The following RFPL1 variants were observed in gnomAD, a reference collection of about 807,000 sequenced individuals.
RFPL1 encodes ret finger protein like 1, also known as ret finger protein-like 1.
In RFPL1, 6 loss-of-function variants were observed where a neutral mutation model predicts 9.6. The observed-to-expected ratio is 0.62, with a 90% CI of 0.34 to 1.23. The LOEUF (loss-of-function observed/expected upper bound fraction) is 1.23. Among genes scored for constraint, RFPL1 ranks in the 50% most tolerant of loss-of-function variants. The pLI, the probability that RFPL1 is intolerant of heterozygous loss-of-function variation, is 0.03. For missense variants in RFPL1, 352 were observed against 398.4 expected (o/e 0.88, Z 0.99); for synonymous variants, 145 against 149.4 (o/e 0.97, Z 0.22).
At chr22:29,426,774 G>A in the RFPL1 span, among the ~76,000 whole-genome samples, 25,524 of 152,106 alleles carry the variant, frequency 0.17, 2,287 homozygotes, top group African/African-American at 0.2. Context: ...TTGATTGTGG[G>A]TGGGTCAACA....
At chr22:29,433,820 A>G (rs1034116052), upstream of RFPL1, among the ~76,000 whole-genome samples, 2 of 152,244 alleles carry the variant, frequency 1.3e-5, no homozygotes, top group Middle Eastern at 3.4e-3. Flanking sequence ...ACATGGGTGT[A>G]CCCCATGTGG....
At chr22:29,428,692 A>C in the RFPL1 span, among the ~76,000 whole-genome samples, 2 of 152,224 alleles carry the variant, frequency 1.3e-5, no homozygotes, top group African/African-American at 4.8e-5. Context: ...TAACAAACAG[A>C]GTTTTGGAGC....
chr22:29,438,803 G>T lies in RFPL1; in HGVS notation c.12G>T (p.Leu4Phe). ...CAATACCTTTATGCATGAAAAGGTT[G>T]TCACTTGTCACAACTAACAGGCTTT... The change falls in exon 1 of 2, where the codon TTG (leucine) becomes TTT (phenylalanine). Residue 4 changes from leucine to phenylalanine, a missense_variant. Physicochemically the swap from Leu to Phe is conservative, Grantham distance 22 (BLOSUM62 0). Coordinates refer to ENST00000354373, the Ensembl canonical transcript of RFPL1. 1.2e-6 allele frequency: 2 copies of T among 1,613,206 alleles called. No individual in the cohort carries two copies. Among genetic ancestry groups the T allele is most frequent in the African/African-American group, 2.7e-5 (2 of 75,032 alleles).
At chr22:29,438,828 T>C in exon 1 of RFPL1, 2 of 1,613,956 alleles carry the variant, frequency 1.2e-6, no homozygotes, top group Middle Eastern at 1.7e-4. Flanking sequence ...TAACAGGCTT[T>C]CACCTCACGG....
At chr22:29,400,088 T>C in the RFPL1 span, among the ~76,000 whole-genome samples, 1 of 150,622 alleles carries the variant, frequency 6.6e-6, no homozygotes, top group Non-Finnish European at 1.5e-5. Context: ...CTCCGCCTCC[T>C]GGGTTCACGC....
upstream of RFPL1, among the ~76,000 whole-genome samples, chr22:29,436,177 G>A (rs377563482): frequency 0.016 from 2,413 of 152,170 alleles, 53 homozygotes; most frequent in African/African-American, 0.056. Flanking sequence ...TCGGTAATTG[G>A]ATATAAAATT....
chr22:29,405,847 C>G, the RFPL1 span, among the ~76,000 whole-genome samples: 1 of 152,110 alleles, frequency 6.6e-6, no homozygotes, highest in Admixed American at 6.5e-5. Flanking sequence ...CGGTGGCTCA[C>G]GCCTGTAATC....
chr22:29,390,223 C>T, the RFPL1 span, among the ~76,000 whole-genome samples: 1 of 152,086 alleles, frequency 6.6e-6, no homozygotes, highest in African/African-American at 2.4e-5. Context: ...AAAACAATCC[C>T]CTGAGGTTGT....
chr22:29,399,406 G>A, the RFPL1 span, among the ~76,000 whole-genome samples: 1 of 152,210 alleles, frequency 6.6e-6, no homozygotes, highest in South Asian at 2.1e-4. Flanking sequence ...CACTGATTTG[G>A]AACAAAATAG....
intron 1 of RFPL1, chr22:29,440,040 TACTATCACTCTCCATA>T (rs1027492609): frequency 4.3e-4 from 66 of 152,256 alleles, no homozygotes; most frequent in African/African-American, 1.5e-3. Context: ...CTACAGAAAA[TACTATCACTCTCCATA>T]ACTCTGGGGA....
At chr22:29,390,789 G>C in the RFPL1 span, among the ~76,000 whole-genome samples, 1 of 151,060 alleles carries the variant, frequency 6.6e-6, no homozygotes, top group South Asian at 2.1e-4. Flanking sequence ...AGTAGAGACG[G>C]GGTTTCACCG....
chr22:29,436,288 C>T (rs1269013549), upstream of RFPL1, among the ~76,000 whole-genome samples: 5 of 152,018 alleles, frequency 3.3e-5, no homozygotes, highest in Non-Finnish European at 7.4e-5. Flanking sequence ...ATTAGGAAGG[C>T]TCCCATCACA....
At chr22:29,409,133 C>T in the RFPL1 span, among the ~76,000 whole-genome samples, 3 of 151,976 alleles carry the variant, frequency 2.0e-5, no homozygotes, top group African/African-American at 4.8e-5. Context: ...ATTTAAAGTA[C>T]GTGATTCAGC....
At chr22:29,410,309 T>C in the RFPL1 span, among the ~76,000 whole-genome samples, 1 of 96,038 alleles carries the variant, frequency 1.0e-5, no homozygotes, top group African/African-American at 5.7e-5. Flanking sequence ...TATATATCTA[T>C]ATATAGATAT....
At chr22:29,401,202 C>T in the RFPL1 span, among the ~76,000 whole-genome samples, 41 of 152,154 alleles carry the variant, frequency 2.7e-4, no homozygotes, top group Admixed American at 1.4e-3. Flanking sequence ...TTTTATTTTA[C>T]GTGACACCTC....
At chr22:29,410,573 G>A in the RFPL1 span, among the ~76,000 whole-genome samples, 3 of 43,516 alleles carry the variant, frequency 6.9e-5, no homozygotes, top group Non-Finnish European at 1.2e-4. Flanking sequence ...TATATATATT[G>A]TAGATATATC....
the RFPL1 span, among the ~76,000 whole-genome samples, chr22:29,422,779 A>T: frequency 6.8e-6 from 1 of 147,822 alleles, no homozygotes; most frequent in South Asian, 2.2e-4. Flanking sequence ...GGATAAGGAC[A>T]CACAGGTACA....
chr22:29,426,918 C>T, the RFPL1 span, among the ~76,000 whole-genome samples: 1 of 152,168 alleles, frequency 6.6e-6, no homozygotes, highest in Admixed American at 6.6e-5. Context: ...TGGCGTTCTA[C>T]CCAGCAGGGC....
At chr22:29,405,433 T>C in the RFPL1 span, among the ~76,000 whole-genome samples, 2 of 152,154 alleles carry the variant, frequency 1.3e-5, no homozygotes, top group Non-Finnish European at 2.9e-5. Context: ...ACTGAGAGAC[T>C]TTAAATGTTT....
Sources: gnomAD v4.1 joint callset for allele counts (sites outside exome capture counted in the v4.1 genomes callset) on GRCh38, gnomAD v4.1.1 for gene constraint, MANE v1.5 for transcripts, NCBI Gene and HGNC (gene_info 2026-07-23, HGNC 2026-07-21) for gene names.